POM121: variants seen among roughly 807,000 people sequenced by gnomAD.
The protein encoded by POM121 is nuclear envelope pore membrane protein POM 121.
A neutral mutation model predicts 81.3 loss-of-function variants in POM121; 32 were observed. That is an observed-to-expected ratio of 0.39 (90% CI 0.30 to 0.53). POM121 has a LOEUF of 0.53. Among genes scored for constraint, POM121 ranks in the 20% least tolerant of loss-of-function variants. The probability of loss-of-function intolerance (pLI) is 0.66; values close to 1 mark genes in which losing one functional copy is unlikely to be tolerated. For missense variants in POM121, 1,138 were observed against 1,614.6 expected, an observed-to-expected ratio of 0.70 and a Z score of 5.06; for synonymous variants, 514 against 694.2, an observed-to-expected ratio of 0.74 and a Z score of 4.08.
chr7:72,945,027 C>T (rs1421635510), intron 11 of POM121, among the ~76,000 whole-genome samples: 5 of 151,684 alleles, frequency 3.3e-5, no homozygotes, highest in East Asian at 2.0e-4. Flanking sequence ...GTGGAAGCAG[C>T]GTGGGAGCAC....
intron 3 of POM121, among the ~76,000 whole-genome samples, chr7:72,903,974 G>C (rs1554493063): frequency 6.6e-6 from 1 of 152,150 alleles, no homozygotes; most frequent in South Asian, 2.1e-4. Context: ...GCTAATTTTT[G>C]TATTTTTTAG....
chr7:72,925,445 G>A lies in POM121; in HGVS notation c.324G>A (p.Ser108=), dbSNP rs1795306321. 6.5e-7 allele frequency: 1 copy of A among 1,533,724 alleles called. No individual in the cohort carries two copies. Among genetic ancestry groups the A allele is most frequent in the South Asian group, 1.2e-5 (1 of 83,966 alleles). Residue 108 remains serine (S), a synonymous_variant, in exon 1 of 13, where the codon TCG becomes TCA. Coordinates refer to ENST00000434423, the MANE Select transcript of POM121 (RefSeq NM_001387691.1). ...GTCATCGGCGAACACTGTTCGCTTCGCCTCTGGCCAAGTCGACAGCCAACG... is the reference window on the plus strand; with the variant it reads ...GTCATCGGCGAACACTGTTCGCTTCACCTCTGGCCAAGTCGACAGCCAACG... ...KARHRRTLFA[S]PLAKSTANGN...
intron 3 of POM121, among the ~76,000 whole-genome samples, chr7:72,898,990 T>C (rs1420117517): frequency 7.6e-6 from 1 of 130,938 alleles, no homozygotes. Flanking sequence ...TTTTTTTTTT[T>C]TTTTTTTTTT....
In POM121 at chr7:72,943,225, C is replaced by A. The variant is rs782402289; in HGVS notation, c.3232C>A (p.Gln1078Lys). Residue 1078 changes from glutamine (Q) to lysine (K), a missense_variant, in exon 11 of 13, where the codon CAG becomes AAG. By Grantham distance (53) the Gln-to-Lys change is moderately conservative. This residue lies in a region of POM121 where 336 missense variants were observed against 344.3 expected (regional missense o/e 0.98). Transcript: ENST00000434423. ...CAGCTCCGGCTTTGGAGCCACCACC[C>A]AGACCGCCAGCAGCGGGAGCAGCAG... Reference protein sequence around the residue: ...ATSSGFGATTQTASSGSSSSV... With the variant: ...ATSSGFGATTKTASSGSSSSV... The A allele has an allele frequency of 7.4e-6, 12 of 1,612,692 alleles. No homozygotes were observed. In the Admixed American group the frequency reaches 2.0e-4, roughly 27 times the overall value.
Position 72,938,681 on chromosome 7 carries a change from G to A in POM121, c.1367G>A (p.Arg456Lys). 1 of 1,613,394 alleles carries A rather than the reference G, an allele frequency of 6.2e-7. No individual in the cohort carries two copies. Among genetic ancestry groups the A allele is most frequent in the Middle Eastern group, 1.7e-4 (1 of 6,056 alleles). The change falls in exon 6 of 13, where the codon AGA (arginine) becomes AAA (lysine). Residue 456 changes from arginine to lysine, a missense_variant and splice_region_variant. By Grantham distance (26) the Arg-to-Lys change is conservative. Coordinates refer to ENST00000434423, the MANE Select transcript of POM121 (RefSeq NM_001387691.1). ...CCGGAGAGGCCAGCAAAGAAAATAA[G>A]GTACTTGGCATTCTCCTGCAGTTTT... is the stretch of plus-strand genomic sequence containing the variant. ...QTPERPAKKI[R>K]EEELCHHSSS...
At chr7:72,948,651 T>C (rs373231858), downstream of POM121, 123 of 1,604,012 alleles carry the variant, frequency 7.7e-5, no homozygotes, top group East Asian at 5.4e-4. Context: ...CTCCCAAGCA[T>C]GCCCCCACTC....
chr7:72,890,741 C>G, exon 2 of POM121: 1 of 1,601,694 alleles, frequency 6.2e-7, no homozygotes, highest in South Asian at 1.1e-5. Flanking sequence ...CTACAGCCAT[C>G]TAGTTTCCCT....
At position 72,925,281 on chromosome 7, in the gene POM121, G is replaced by T. The variant is rs1434202096; in HGVS notation, c.160G>T (p.Ala54Ser). 2.7e-5 allele frequency: 42 copies of T among 1,534,644 alleles called. 1 individual carries two copies. The East Asian group carries it at 1.0e-3, about 38-fold the overall frequency. ...ACTGTACCTCGTGCCGGCTGCGGCT[G>T]CACTGGCCTGGCTGACCGTGGGGGC... ...LLLYLVPAAA[A>S]LAWLTVGATA... The change falls in exon 1 of 13, where the codon GCA becomes TCA. Residue 54 changes from alanine (A) to serine (S), a missense_variant. By Grantham distance (99) the Ala-to-Ser change is moderately conservative (BLOSUM62 1). Coordinates refer to ENST00000434423, the MANE Select transcript of POM121 (RefSeq NM_001387691.1).
At chr7:72,939,135 G>A (rs2429276) in intron 6 of POM121, among the ~76,000 whole-genome samples, 1 of 152,346 alleles carries the variant, frequency 6.6e-6, no homozygotes, top group South Asian at 2.1e-4. Flanking sequence ...TAAGACAAAA[G>A]CTGTCTTCAT....
chr7:72,905,945 G>A (rs1460713742), intron 3 of POM121, among the ~76,000 whole-genome samples: 2 of 152,158 alleles, frequency 1.3e-5, no homozygotes, highest in Non-Finnish European at 2.9e-5. Flanking sequence ...TGTTGAGAAC[G>A]TTGCATTTTA....
intron 3 of POM121, among the ~76,000 whole-genome samples, chr7:72,891,614 C>A (rs1424516987): frequency 6.6e-6 from 1 of 152,140 alleles, no homozygotes; most frequent in East Asian, 1.9e-4. Flanking sequence ...ACCATGTTGG[C>A]CATGCTGGTC....
chr7:72,918,532 G>A (rs1252785341), intron 4 of POM121, among the ~76,000 whole-genome samples: 10 of 152,048 alleles, frequency 6.6e-5, no homozygotes, highest in Non-Finnish European at 1.2e-4. Context: ...GGAATAAAGA[G>A]TAATTGCTAC....
At chr7:72,915,318 G>A (rs1358348794) in intron 4 of POM121, among the ~76,000 whole-genome samples, 1 of 152,130 alleles carries the variant, frequency 6.6e-6, no homozygotes, top group East Asian at 1.9e-4. Flanking sequence ...ATATTACCTG[G>A]CATCTATTCA....
At chr7:72,917,524 G>T (rs1214782268) in intron 4 of POM121, among the ~76,000 whole-genome samples, 3 of 152,118 alleles carry the variant, frequency 2.0e-5, no homozygotes, top group Middle Eastern at 3.2e-3. Context: ...CTTTCCCAGA[G>T]GAATTCTCCC....
chr7:72,920,554 C>T (rs1197332672), upstream of POM121, among the ~76,000 whole-genome samples: 5 of 152,092 alleles, frequency 3.3e-5, no homozygotes, highest in Middle Eastern at 3.4e-3. Flanking sequence ...CGGGGTTTCA[C>T]CATGTTAGCC....
At chr7:72,926,132 C>A in intron 1 of POM121, 130 bp from the exon 2 acceptor site, 1 of 983,500 alleles carries the variant, frequency 1.0e-6, no homozygotes, top group Non-Finnish European at 1.5e-6. Flanking sequence ...ATAAAAACAC[C>A]GTGTTCTGTG....
intron 1 of POM121, among the ~76,000 whole-genome samples, chr7:72,888,237 C>T (rs1435678868): frequency 6.6e-6 from 1 of 152,102 alleles, no homozygotes; most frequent in Non-Finnish European, 1.5e-5. Context: ...CTCATATGAA[C>T]TGTAGTGTCA....
chr7:72,932,841 C>A (rs1461111718), intron 5 of POM121, among the ~76,000 whole-genome samples: 1 of 151,454 alleles, frequency 6.6e-6, no homozygotes, highest in African/African-American at 2.4e-5. Flanking sequence ...CACTGGAGGT[C>A]AGGAGTTCGA....
chr7:72,943,782 A>G (rs1178189977), intron 11 of POM121, among the ~76,000 whole-genome samples: 2 of 152,166 alleles, frequency 1.3e-5, no homozygotes, highest in African/African-American at 4.8e-5. Flanking sequence ...TCACGCTTGT[A>G]ATCCCAATAT....
Sources: allele counts gnomAD v4.1 joint callset (sites outside exome capture counted in the v4.1 genomes callset), GRCh38; gene constraint gnomAD v4.1.1; regional missense constraint gnomAD v4.1.1; transcripts MANE v1.5; gene names NCBI Gene and HGNC (gene_info 2026-07-23, HGNC 2026-07-21).